NRG3: variants seen among roughly 807,000 people sequenced by gnomAD.
NRG3 encodes the protein pro-neuregulin-3, membrane-bound isoform.
Under a neutral mutation model 66.9 loss-of-function variants are expected in NRG3, and 31 were observed. That is an observed-to-expected ratio of 0.46 (90% CI 0.35 to 0.63). The LOEUF (loss-of-function observed/expected upper bound fraction) is 0.63. Among genes scored for constraint, NRG3 ranks in the 20% least tolerant of loss-of-function variants. The probability of loss-of-function intolerance (pLI) is 0.00; values close to 1 mark genes in which losing one functional copy is unlikely to be tolerated. For missense variants in NRG3, 910 were observed against 878.9 expected (o/e 1.04, Z -0.45); for synonymous variants, 393 against 359.4 (o/e 1.09, Z -1.06).
At chr10:82,137,085 A>T (rs1739774) in intron 1 of NRG3, among the ~76,000 whole-genome samples, 81,333 of 151,974 alleles carry the variant, frequency 0.54, 23,384 homozygotes, top group Non-Finnish European at 0.66. Flanking sequence ...GTTCAATTTG[A>T]TGTTCGTGTG....
intron 1 of NRG3, among the ~76,000 whole-genome samples, chr10:82,162,744 G>T (rs957482165): frequency 1.4e-4 from 22 of 152,098 alleles, no homozygotes; most frequent in Admixed American, 1.3e-4. Context: ...GCTTTCAAGA[G>T]AATTGCAACT....
intron 4 of NRG3, among the ~76,000 whole-genome samples, chr10:82,933,107 T>G (rs1205654968): frequency 1.3e-5 from 2 of 152,238 alleles, no homozygotes; most frequent in Non-Finnish European, 2.9e-5. Flanking sequence ...TTTGAGCTCC[T>G]TGAAAGCTGA....
In NRG3 at chr10:82,321,934, C is replaced by T. The variant is rs139149425; in HGVS notation, c.824-36805C>T. ...ACCTCCTGGGGCATCAAAGTGCTGT[C>T]TGAATTAGAGAATAATGGCATGATG... On this transcript the variant is annotated intron_variant, in intron 1 of 8. Transcript: ENST00000372141. Among the ~76,000 whole-genome samples the T allele has an allele frequency of 4.9e-3, 749 of 152,172 alleles. 21 individuals are homozygous for T. Among genetic ancestry groups the T allele is most frequent in the Non-Finnish European group, 1.1e-3 (77 of 68,000 alleles).
chr10:82,066,853 A>G (rs1187927906), intron 1 of NRG3, among the ~76,000 whole-genome samples: 1 of 152,082 alleles, frequency 6.6e-6, no homozygotes, highest in Non-Finnish European at 1.5e-5. Flanking sequence ...AATGAATCCT[A>G]TCATACTGGC....
chr10:82,617,045 T>A (rs1267469381), intron 2 of NRG3, among the ~76,000 whole-genome samples: 2 of 152,172 alleles, frequency 1.3e-5, no homozygotes, highest in African/African-American at 4.8e-5. Context: ...GTCCTTGTTT[T>A]TTCTGAGTGC....
At chr10:82,711,321 A>C (rs1195163494) in intron 2 of NRG3, among the ~76,000 whole-genome samples, 3 of 152,052 alleles carry the variant, frequency 2.0e-5, no homozygotes, top group Middle Eastern at 3.2e-3. Context: ...TCCTGGCCTC[A>C]AGTTTTCCTC....
At chr10:82,705,537 A>G (rs1175777378) in intron 2 of NRG3, among the ~76,000 whole-genome samples, 1 of 152,122 alleles carries the variant, frequency 6.6e-6, no homozygotes, top group Non-Finnish European at 1.5e-5. Flanking sequence ...TCCCTCCCCT[A>G]ATCCAAGCTG....
intron 1 of NRG3, among the ~76,000 whole-genome samples, chr10:82,233,122 C>T (rs568243426): frequency 7.9e-5 from 12 of 152,128 alleles, no homozygotes; most frequent in East Asian, 1.9e-4. Context: ...CCCAGCACTT[C>T]GGGAGGCCGA....
rs189811237 is a variant in NRG3, at chr10:82,932,899, G to A, written c.1055-18570G>A. ...CTCTCCCTTCTCCTCCTTTCCCCTT[G>A]ATATCCAGTCTTATCTTCTCCCTTC... is the stretch of plus-strand genomic sequence containing the variant. On this transcript the variant is annotated intron_variant, in intron 4 of 8. Coordinates refer to ENST00000372141, the MANE Select transcript of NRG3 (RefSeq NM_001010848.4). Among the ~76,000 whole-genome samples the A allele has an allele frequency of 1.2e-3, 178 of 152,098 alleles. 3 individuals are homozygous for A. The highest frequency in any genetic ancestry group is 4.0e-3 in the African/African-American group (166 of 41,508).
rs183522567 is a variant in NRG3, at chr10:82,598,775, C to A, written c.954-139802C>A. ...TTGAAAATGATGAGAAGAGGCCGGG[C>A]ACTGTTGCTCACTCCTGTAATCCCA... On this transcript the variant is annotated intron_variant, in intron 2 of 8. Coordinates refer to ENST00000372141, the MANE Select transcript of NRG3 (RefSeq NM_001010848.4). Among the ~76,000 whole-genome samples the A allele has an allele frequency of 3.4e-3, 525 of 152,274 alleles. 5 individuals carry two copies. Among genetic ancestry groups the A allele is most frequent in the African/African-American group, 0.012 (498 of 41,548 alleles).
At chr10:82,189,948 G>A (rs1229334914) in intron 1 of NRG3, among the ~76,000 whole-genome samples, 1 of 151,926 alleles carries the variant, frequency 6.6e-6, no homozygotes, top group Non-Finnish European at 1.5e-5. Context: ...GGACAACAGA[G>A]CGAGACCCCG....
chr10:82,881,958 T>G lies in NRG3; in HGVS notation c.1054+16521T>G, dbSNP rs1424697053. ...TAGGAGTCTTCCTCGTTTTTGCCCCTGGAACAGTGCCAAATACTATAGAAT... is the reference window on the plus strand; with the variant it reads ...TAGGAGTCTTCCTCGTTTTTGCCCCGGGAACAGTGCCAAATACTATAGAAT... On this transcript the variant is annotated intron_variant, in intron 4 of 8. Coordinates refer to ENST00000372141, the MANE Select transcript of NRG3 (RefSeq NM_001010848.4). Among the ~76,000 whole-genome samples, 3 of 152,216 alleles carry G rather than the reference T, an allele frequency of 2.0e-5. No homozygotes were observed. In the East Asian group the frequency reaches 5.8e-4, roughly 29 times the overall value.
At chr10:82,604,965 T>G (rs534396482) in intron 2 of NRG3, among the ~76,000 whole-genome samples, 2 of 152,246 alleles carry the variant, frequency 1.3e-5, no homozygotes, top group South Asian at 4.1e-4. Flanking sequence ...TCACAAATAG[T>G]TCTTTACTGA....
intron 1 of NRG3, among the ~76,000 whole-genome samples, chr10:82,222,689 T>A (rs986535879): frequency 2.6e-5 from 4 of 152,208 alleles, no homozygotes; most frequent in Non-Finnish European, 4.4e-5. Context: ...AAGCTCTTTA[T>A]TTTCTGTTCT....
chr10:82,410,933 G>A (rs567917614), intron 2 of NRG3, among the ~76,000 whole-genome samples: 1 of 152,110 alleles, frequency 6.6e-6, no homozygotes, highest in South Asian at 2.1e-4. Flanking sequence ...ATAAAATATG[G>A]TATATTTCTG....
At chr10:81,943,238 A>G (rs1848550275) in intron 1 of NRG3, among the ~76,000 whole-genome samples, 1 of 152,032 alleles carries the variant, frequency 6.6e-6, no homozygotes, top group Middle Eastern at 3.4e-3. Context: ...AAAAATAGCC[A>G]GGTATGGTGA....
At chr10:82,185,945 A>G (rs2073776258) in intron 1 of NRG3, among the ~76,000 whole-genome samples, 1 of 152,180 alleles carries the variant, frequency 6.6e-6, no homozygotes. Context: ...TCTTTTTAAA[A>G]ATATTATTTG....
chr10:81,931,522 G>T (rs994190100), intron 1 of NRG3, among the ~76,000 whole-genome samples: 4 of 152,066 alleles, frequency 2.6e-5, no homozygotes, highest in Admixed American at 1.3e-4. Flanking sequence ...CACCATTTTG[G>T]GTTGTGGTCC....
intron 1 of NRG3, among the ~76,000 whole-genome samples, chr10:81,953,706 C>G (rs774933467): frequency 2.6e-5 from 4 of 152,134 alleles, no homozygotes; most frequent in Non-Finnish European, 5.9e-5. Context: ...TAATTCTGCT[C>G]TAGTGGTCAT....
Sources: gnomAD v4.1 joint callset for allele counts (sites outside exome capture counted in the v4.1 genomes callset) on GRCh38, gnomAD v4.1.1 for gene constraint, MANE v1.5 for transcripts, NCBI Gene and HGNC (gene_info 2026-07-23, HGNC 2026-07-21) for gene names.